The following CNOT1 variants were observed in gnomAD, a reference collection of about 807,000 sequenced individuals.
CNOT1 encodes CCR4-NOT transcription complex subunit 1.
In CNOT1, 15 loss-of-function variants were observed where a neutral mutation model predicts 273.8. That is an observed-to-expected ratio of 0.05 (90% CI 0.04 to 0.08). The LOEUF (loss-of-function observed/expected upper bound fraction) is 0.08. CNOT1 is among the 10% of genes least tolerant of loss of function. The probability of loss-of-function intolerance (pLI) is 1.00; values close to 1 mark genes in which losing one functional copy is unlikely to be tolerated. For missense variants in CNOT1, 1,644 were observed against 2,912.2 expected (o/e 0.56, Z 10.02); for synonymous variants, 1,022 against 1,005.5 (o/e 1.02, Z -0.31).
At chr16:58,559,293 A>G (rs572084377) in intron 17 of CNOT1, among the ~76,000 whole-genome samples, 7 of 152,292 alleles carry the variant, frequency 4.6e-5, no homozygotes, top group African/African-American at 1.4e-4. Flanking sequence ...AATCTAATGA[A>G]CAACACTTAA....
rs1394695271 is a variant in CNOT1 at position 58,520,864 on chromosome 16, A to G, written c.*94T>C. 1 of 1,302,550 alleles carries G rather than the reference A, an allele frequency of 7.7e-7. No homozygotes were observed. The highest frequency in any genetic ancestry group is 1.4e-5 in the African/African-American group (1 of 69,094). 80.7% of individuals were successfully genotyped at this position (1,302,550 alleles called of 1,614,324 possible). A position where few individuals can be genotyped will look rare whatever the true frequency, so the allele number is the denominator to read the frequency against. On this transcript the variant is annotated 3_prime_UTR_variant, in exon 49 of 49. Coordinates refer to ENST00000317147, the MANE Select transcript of CNOT1 (RefSeq NM_016284.5). ...TACCCACAAACCAAAGGGCTGGGAA[A>G]GTCAGGAAGAGCTGAAAGGATTCTT...
intron 2 of CNOT1, among the ~76,000 whole-genome samples, chr16:58,595,700 A>G (rs2042227859): frequency 6.6e-6 from 1 of 152,124 alleles, no homozygotes; most frequent in Non-Finnish European, 1.5e-5. Context: ...CCAGAGAAAA[A>G]GCAGGCCATC....
intron 1 of CNOT1, among the ~76,000 whole-genome samples, chr16:58,618,562 G>A (rs752526161): frequency 3.8e-4 from 58 of 151,446 alleles, no homozygotes; most frequent in Admixed American, 7.3e-4. Flanking sequence ...CAGGCTGGGC[G>A]ACAGGGCGAG....
chr16:58,598,887 G>A (rs1284374861), intron 2 of CNOT1: 8 of 216,032 alleles, frequency 3.7e-5, no homozygotes, highest in South Asian at 1.5e-4. Flanking sequence ...GTGAAACCCC[G>A]TCTCTACTAA....
At position 58,583,068 on chromosome 16, in the gene CNOT1, G is replaced by A. The variant is rs2041708986; in HGVS notation, c.921C>T (p.Gly307=). Residue 307 remains glycine, a synonymous_variant, in exon 9 of 49, where the codon GGC becomes GGT. Transcript: ENST00000317147. Reference sequence around the variant, plus strand: ...GAATTCAACACACCTGTAATGGAATGCCATCTGTTAATCCTGAATGAGTTC... The same window carrying A: ...GAATTCAACACACCTGTAATGGAATACCATCTGTTAATCCTGAATGAGTTC... The part of the protein sequence containing the change: ...MARTHSGLTD[G]IPLQSISAPG... 1.2e-6 allele frequency: 2 copies of A among 1,613,862 alleles called. No individual in the cohort carries two copies. Among genetic ancestry groups the A allele is most frequent in the Non-Finnish European group, 1.7e-6 (2 of 1,180,016 alleles).
At chr16:58,567,551 CA>C (rs35372389) in intron 16 of CNOT1, among the ~76,000 whole-genome samples, 6,886 of 111,604 alleles carry the variant, frequency 0.062, 196 homozygotes, top group South Asian at 0.11. Context: ...GACATCATCT[CA>C]AAAAAAAAAA....
At chr16:58,570,644 T>C (rs1184661175) in intron 16 of CNOT1, among the ~76,000 whole-genome samples, 1 of 152,104 alleles carries the variant, frequency 6.6e-6, no homozygotes, top group African/African-American at 2.4e-5. Flanking sequence ...GAAGCAAGAA[T>C]TATAAACCTT....
At chr16:58,619,603 T>C (rs1482077956) in intron 1 of CNOT1, among the ~76,000 whole-genome samples, 1 of 152,084 alleles carries the variant, frequency 6.6e-6, no homozygotes, top group Non-Finnish European at 1.5e-5. Flanking sequence ...TTTTTGTATT[T>C]TTAGTAGAGA....
At chr16:58,531,194 T>C (rs192529271) in intron 42 of CNOT1, among the ~76,000 whole-genome samples, 1 of 152,216 alleles carries the variant, frequency 6.6e-6, no homozygotes, top group African/African-American at 2.4e-5. Context: ...TAATATGTTG[T>C]GTTCCTTCCT....
intron 2 of CNOT1, among the ~76,000 whole-genome samples, chr16:58,594,765 G>A (rs2042189154): frequency 6.6e-6 from 1 of 150,440 alleles, no homozygotes; most frequent in African/African-American, 2.5e-5. Context: ...TTATGCCACT[G>A]CACTCCAGCC....
At position 58,534,423 on chromosome 16, in the gene CNOT1, C is replaced by A. The variant is rs28373410; in HGVS notation, c.5647-28G>T. On this transcript the variant is annotated intron_variant, in intron 39 of 48. Transcript: ENST00000317147. ...ACAACAGGAACAAAAAATAAAGACA[C>A]AATGAGGTAACACACACAAATAAAC... 6.6e-4 allele frequency: 1,062 copies of A among 1,608,130 alleles called. 5 individuals are homozygous for A. In the African/African-American group the frequency reaches 0.012, roughly 19 times the overall value.
At chr16:58,549,553 T>G (rs946895288) in intron 25 of CNOT1, among the ~76,000 whole-genome samples, 166 bp downstream of exon 25, 1 of 152,188 alleles carries the variant, frequency 6.6e-6, no homozygotes, top group African/African-American at 2.4e-5. Flanking sequence ...TAAATTTAAG[T>G]TCTGCATAAA....
intron 2 of CNOT1, among the ~76,000 whole-genome samples, chr16:58,592,709 C>A (rs2042105959): frequency 6.6e-6 from 1 of 152,140 alleles, no homozygotes; most frequent in Non-Finnish European, 1.5e-5. Flanking sequence ...CCGACAAATG[C>A]CCCAAAACAT....
At chr16:58,573,414 C>T (rs1365568251) in intron 16 of CNOT1, among the ~76,000 whole-genome samples, 2 of 151,722 alleles carry the variant, frequency 1.3e-5, no homozygotes, top group East Asian at 3.9e-4. Context: ...GACAGCAGTA[C>T]TCCCCCAAAT....
At chr16:58,558,933 C>T (rs1464105050) in intron 17 of CNOT1, among the ~76,000 whole-genome samples, 2 of 152,134 alleles carry the variant, frequency 1.3e-5, no homozygotes, top group African/African-American at 4.8e-5. Context: ...ATACTTGGAA[C>T]CAGAAAAGTT....
At chr16:58,568,074 T>C (rs946462938) in intron 16 of CNOT1, among the ~76,000 whole-genome samples, 1 of 152,116 alleles carries the variant, frequency 6.6e-6, no homozygotes, top group African/African-American at 2.4e-5. Context: ...ACAGGCTAAC[T>C]AAAAATCTGT....
chr16:58,520,939 A>G lies in CNOT1; in HGVS notation c.*19T>C. On this transcript the variant is annotated 3_prime_UTR_variant, in exon 49 of 49. Transcript: ENST00000317147. ...GTGAGACCTCTAGACTGACACGTACAACAGAGATGCAGTTTCGTCTAACTG... is the reference window on the plus strand; with the variant it reads ...GTGAGACCTCTAGACTGACACGTACGACAGAGATGCAGTTTCGTCTAACTG... The G allele has an allele frequency of 6.2e-7, 1 of 1,611,194 alleles. No homozygotes were observed. Among genetic ancestry groups the G allele is most frequent in the Middle Eastern group, 1.6e-4 (1 of 6,062 alleles).
At position 58,623,921 on chromosome 16, in the gene CNOT1, T is replaced by C. The variant is rs527841485; in HGVS notation, c.-175+5807A>G. Among the ~76,000 whole-genome samples the C allele has an allele frequency of 8.6e-5, 13 of 151,542 alleles. No individual in the cohort carries two copies. The South Asian group carries it at 1.5e-3, about 17-fold the overall frequency. On this transcript the variant is annotated intron_variant, in intron 1 of 48. Coordinates refer to ENST00000317147, the MANE Select transcript of CNOT1 (RefSeq NM_016284.5). ...AGAAGAATCGCTTGAACCAGAGCGATAGAGGTTGCAGCAAGCCTAGATCGT... is the reference window on the plus strand; with the variant it reads ...AGAAGAATCGCTTGAACCAGAGCGACAGAGGTTGCAGCAAGCCTAGATCGT...
chr16:58,558,668 G>A lies in CNOT1; in HGVS notation c.2137C>T (p.Pro713Ser). The change falls in exon 18 of 49, where the codon CCT (proline) becomes TCT (serine). Residue 713 changes from proline (P) to serine (S), a missense_variant. Pro to Ser is a moderately conservative substitution (Grantham distance 74). Coordinates refer to ENST00000317147, the MANE Select transcript of CNOT1 (RefSeq NM_016284.5). Reference sequence around the variant, plus strand: ...CTAAGAGATGTCATTCCAGCAAGAGGGTCAATCTAAAGAAAAACATTATAA... The same window carrying A: ...CTAAGAGATGTCATTCCAGCAAGAGAGTCAATCTAAAGAAAAACATTATAA... Reference protein sequence around the residue: ...LDAISPVQIDPLAGMTSLSIG... With the variant: ...LDAISPVQIDSLAGMTSLSIG... 1 of 1,613,300 alleles carries A rather than the reference G, an allele frequency of 6.2e-7. No homozygotes were observed. The highest frequency in any genetic ancestry group is 8.5e-7 in the Non-Finnish European group (1 of 1,179,634).
Sources: allele counts gnomAD v4.1 joint callset (sites outside exome capture counted in the v4.1 genomes callset), GRCh38; gene constraint gnomAD v4.1.1; transcripts MANE v1.5; gene names NCBI Gene and HGNC (gene_info 2026-07-23, HGNC 2026-07-21).